The following PLD5 variants were observed in gnomAD, a reference collection of about 807,000 sequenced individuals.
The protein encoded by PLD5 is inactive phospholipase D5.
In PLD5, 36 loss-of-function variants were observed where a neutral mutation model predicts 61.1. That is an observed-to-expected ratio of 0.59 (90% CI 0.45 to 0.78). The LOEUF is 0.78. Ranked by LOEUF, PLD5 falls within the 30% of genes least tolerant of loss-of-function variation. PLD5 has a pLI of 0.00. For synonymous variants in PLD5, 243 were observed against 242.8 expected (o/e 1.00, Z -0.01); for missense variants, 515 against 644.4 (o/e 0.80, Z 2.17).
intron 2 of PLD5, among the ~76,000 whole-genome samples, chr1:242,300,528 G>A (rs1397102138): frequency 9.2e-5 from 14 of 152,002 alleles, no homozygotes; most frequent in Non-Finnish European, 1.8e-4. Flanking sequence ...AGAACATCAG[G>A]GAGGCCAATG....
intron 2 of PLD5, among the ~76,000 whole-genome samples, chr1:242,325,537 C>G (rs1240249677): frequency 2.6e-5 from 4 of 151,852 alleles, no homozygotes; most frequent in African/African-American, 9.7e-5. Context: ...CTTGCTCTGT[C>G]GCCAGGCTGG....
chr1:242,382,140 C>CAAAAAAA lies in PLD5; in HGVS notation c.190-33899_190-33898insTTTTTTT, dbSNP rs771218262. On this transcript the variant is annotated intron_variant, in intron 1 of 9. Transcript: ENST00000536534. ...GAGACTTTGACAGCAAAAAAAAAAA[C>CAAAAAAA]AAAACAAAAAACTGAACATAGAAGA... Among the ~76,000 whole-genome samples the CAAAAAAA allele has an allele frequency of 6.0e-5, 6 of 99,190 alleles. 1 individual carries two copies. Among genetic ancestry groups the CAAAAAAA allele is most frequent in the Admixed American group, 1.9e-4 (2 of 10,600 alleles). The allele number at this position is 99,190 out of a possible 152,430, so 65.1% of individuals were successfully genotyped here.
chr1:242,139,365 CT>C (rs1473203232), intron 5 of PLD5, among the ~76,000 whole-genome samples: 1 of 152,088 alleles, frequency 6.6e-6, no homozygotes, highest in African/African-American at 2.4e-5. Flanking sequence ...TTCTCCTCTG[CT>C]TTTCCTCCTT....
Position 242,288,536 on chromosome 1 carries a change from A to G in PLD5, c.327-6T>C. ...TATTTTCCACCAGGGCAATTCTTAG[A>G]AAAGATTTTGAAAAACAAACAAACA... On this transcript the variant is annotated splice_polypyrimidine_tract_variant and splice_region_variant and intron_variant, in intron 2 of 9. Transcript: ENST00000536534. 3 of 1,592,128 alleles carry G rather than the reference A, an allele frequency of 1.9e-6. No individual in the cohort carries two copies. The South Asian group carries it at 3.4e-5, about 18-fold the overall frequency.
chr1:242,089,405 GAT>G lies in PLD5; in HGVS notation c.*447_*448del. The G allele has an allele frequency of 2.5e-6, 1 of 401,670 alleles. No homozygotes were observed. The highest frequency in any genetic ancestry group is 4.4e-6 in the Non-Finnish European group (1 of 228,090). 24.9% of individuals were successfully genotyped at this position (401,670 alleles called of 1,614,324 possible). A position where few individuals can be genotyped will look rare whatever the true frequency, so the allele number is the denominator to read the frequency against. On this transcript the variant is annotated 3_prime_UTR_variant, in exon 10 of 10. Coordinates refer to ENST00000536534, the MANE Select transcript of PLD5 (RefSeq NM_001372062.1). ...AGCTGACTGTGTAGGTCTTGGAGAC[GAT>G]TTACAAGAATAAACACTTGGTTTTA...
chr1:242,525,583 G>C (rs1030441313), upstream of PLD5, among the ~76,000 whole-genome samples: 5 of 152,020 alleles, frequency 3.3e-5, no homozygotes, highest in Non-Finnish European at 7.4e-5. Context: ...AACATTTTTT[G>C]GTTTTATCTA....
intron 4 of PLD5, among the ~76,000 whole-genome samples, chr1:242,231,927 T>A (rs1671330653): frequency 6.7e-6 from 1 of 150,142 alleles, no homozygotes. Context: ...AAGGGATCTC[T>A]TTTAAAATAA....
At position 242,344,911 on chromosome 1, in the gene PLD5, C is replaced by T. The variant is rs562738911; in HGVS notation, c.326+3195G>A. ...GGCTGAGGAGGCCTCAGAATCGTGG[C>T]GGGAGATGAAACGCTCTTCTTACAT... On this transcript the variant is annotated intron_variant, in intron 2 of 9. Transcript: ENST00000536534. 2.6e-5 allele frequency among the ~76,000 whole-genome samples: 4 copies of T among 152,106 alleles called. No homozygotes were observed. The East Asian group carries it at 7.7e-4, about 29-fold the overall frequency.
Position 242,231,939 on chromosome 1 carries a change from G to GA in PLD5, c.608-11825dup, listed in dbSNP as rs985277684. ...TAAAAGGGATCTCTTTTAAAATAAGGAAAAAAAAAAAAAGAAAGAAAAAGA... is the reference window on the plus strand; with the variant it reads ...TAAAAGGGATCTCTTTTAAAATAAGGAAAAAAAAAAAAAAGAAAGAAAAAGA... On this transcript the variant is annotated intron_variant, in intron 4 of 9. Coordinates refer to ENST00000536534, the MANE Select transcript of PLD5 (RefSeq NM_001372062.1). Among the ~76,000 whole-genome samples the GA allele has an allele frequency of 7.7e-3, 863 of 111,662 alleles. 3 individuals carry two copies. The highest frequency in any genetic ancestry group is 0.017 in the African/African-American group (542 of 32,604). 73.3% of individuals were successfully genotyped at this position (111,662 alleles called of 152,430 possible).
intron 5 of PLD5, among the ~76,000 whole-genome samples, chr1:242,154,879 T>G (rs1357755542): frequency 6.6e-6 from 1 of 152,184 alleles, no homozygotes; most frequent in Non-Finnish European, 1.5e-5. Context: ...TACGGAGGAT[T>G]CCCTCTTTTT....
chr1:242,237,927 A>T (rs368411), intron 4 of PLD5, among the ~76,000 whole-genome samples: 7,789 of 152,298 alleles, frequency 0.051, 677 homozygotes, highest in African/African-American at 0.18. Context: ...CCAACTTTGG[A>T]ATCCAGAGGG....
At chr1:242,444,469 G>A (rs549034196) in intron 1 of PLD5, among the ~76,000 whole-genome samples, 2 of 151,694 alleles carry the variant, frequency 1.3e-5, no homozygotes, top group South Asian at 4.2e-4. Context: ...GTAGCCATTA[G>A]TAATTTCTAA....
chr1:242,277,100 C>T (rs371511095), intron 3 of PLD5, among the ~76,000 whole-genome samples: 1 of 152,162 alleles, frequency 6.6e-6, no homozygotes, highest in East Asian at 1.9e-4. Context: ...CGAGCGTCCA[C>T]TCTGGCTGCA....
At chr1:242,509,303 C>A (rs910292927) in intron 1 of PLD5, among the ~76,000 whole-genome samples, 2 of 152,078 alleles carry the variant, frequency 1.3e-5, no homozygotes, top group African/African-American at 4.8e-5. Flanking sequence ...TGCTTGAACC[C>A]AGGAGGTGGA....
intron 1 of PLD5, among the ~76,000 whole-genome samples, chr1:242,398,878 T>G (rs752404041): frequency 2.0e-5 from 3 of 152,196 alleles, no homozygotes; most frequent in Non-Finnish European, 4.4e-5. Context: ...CACTGAAATT[T>G]CTATACAGTC....
intron 3 of PLD5, among the ~76,000 whole-genome samples, chr1:242,272,423 C>T (rs1477870152): frequency 6.6e-6 from 1 of 152,018 alleles, no homozygotes; most frequent in African/African-American, 2.4e-5. Context: ...ATACTTCTCA[C>T]TCTATATATC....
intron 5 of PLD5, among the ~76,000 whole-genome samples, chr1:242,219,732 G>T (rs1670443461): frequency 1.3e-5 from 2 of 152,126 alleles, no homozygotes; most frequent in African/African-American, 4.8e-5. Context: ...ATAGCAACCT[G>T]CTCTCAGGAA....
chr1:242,400,562 T>C (rs1185806721), intron 1 of PLD5, among the ~76,000 whole-genome samples: 2 of 152,166 alleles, frequency 1.3e-5, no homozygotes, highest in Non-Finnish European at 2.9e-5. Flanking sequence ...CCAAGTCTAT[T>C]TTGTATTTAT....
chr1:242,305,640 A>C (rs1278702884), intron 2 of PLD5, among the ~76,000 whole-genome samples: 1 of 151,822 alleles, frequency 6.6e-6, no homozygotes, highest in Non-Finnish European at 1.5e-5. Flanking sequence ...GCTCACTGCA[A>C]CCTCCATCTC....
Sources: allele counts gnomAD v4.1 joint callset (sites outside exome capture counted in the v4.1 genomes callset), GRCh38; gene constraint gnomAD v4.1.1; transcripts MANE v1.5; gene names NCBI Gene and HGNC (gene_info 2026-07-23, HGNC 2026-07-21).